NXPH1: variants seen among roughly 807,000 people sequenced by gnomAD.
NXPH1 encodes the protein neurexophilin-1.
Under a neutral mutation model 23.7 loss-of-function variants are expected in NXPH1, and 5 were observed. The observed-to-expected ratio is 0.21, with a 90% confidence interval of 0.11 to 0.44. NXPH1 has a LOEUF of 0.44. Among genes scored for constraint, NXPH1 ranks in the 20% least tolerant of loss-of-function variants. The pLI, the probability that NXPH1 is intolerant of heterozygous loss-of-function variation, is 0.99. For synonymous variants in NXPH1, 144 were observed against 122.2 expected, an observed-to-expected ratio of 1.18 and a Z score of -1.18; for missense variants, 324 against 321.6, an observed-to-expected ratio of 1.01 and a Z score of -0.06.
intron 2 of NXPH1, among the ~76,000 whole-genome samples, chr7:8,462,078 C>T (rs1185733398): frequency 6.6e-6 from 1 of 152,124 alleles, no homozygotes; most frequent in African/African-American, 2.4e-5. Flanking sequence ...GAGAGAGTCT[C>T]ACTCTTGTCA....
intron 2 of NXPH1, among the ~76,000 whole-genome samples, chr7:8,521,629 A>G (rs1817773011): frequency 6.6e-6 from 1 of 152,150 alleles, no homozygotes; most frequent in Non-Finnish European, 1.5e-5. Context: ...ACTTTATGTG[A>G]GTGAGAAATA....
chr7:8,526,038 A>C (rs1247309824), intron 2 of NXPH1, among the ~76,000 whole-genome samples: 1 of 152,196 alleles, frequency 6.6e-6, no homozygotes, highest in African/African-American at 2.4e-5. Flanking sequence ...CACCTGGAAA[A>C]GCTGTAGACA....
chr7:8,595,667 A>T (rs1490300964), intron 2 of NXPH1, among the ~76,000 whole-genome samples: 5 of 151,986 alleles, frequency 3.3e-5, no homozygotes, highest in African/African-American at 1.2e-4. Context: ...CTTCTACGGA[A>T]CTCAAGAGTA....
chr7:8,435,887 G>A lies in NXPH1; in HGVS notation c.54+120G>A. On this transcript the variant is annotated intron_variant, in intron 2 of 2. Transcript: ENST00000405863. The surrounding 1 kb of genome is among the most constrained non-coding windows in gnomAD (Gnocchi z 5.9). ...CAGTGAGAGCAGCTTCCTAGCAGCTGTGTTGGAGCAACTTTGGCAAGCTGG... is the reference window on the plus strand; with the variant it reads ...CAGTGAGAGCAGCTTCCTAGCAGCTATGTTGGAGCAACTTTGGCAAGCTGG... 2 of 946,408 alleles carry A rather than the reference G, an allele frequency of 2.1e-6. No individual in the cohort carries two copies. Among genetic ancestry groups the A allele is most frequent in the Non-Finnish European group, 1.7e-6 (1 of 578,438 alleles). The allele number at this position is 946,408 out of a possible 1,614,324, so 58.6% of individuals were successfully genotyped here.
Position 8,697,711 on chromosome 7 carries a change from C to A in NXPH1, c.55-53297C>A, listed in dbSNP as rs10232933. 8.1e-3 allele frequency among the ~76,000 whole-genome samples: 1,234 copies of A among 152,178 alleles called. 15 individuals carry two copies. Among genetic ancestry groups the A allele is most frequent in the African/African-American group, 0.028 (1,179 of 41,514 alleles). ...GTATCTGTTATGGAAAATGCTTACT[C>A]AATATTTAGGTGAAGAAGTCAGGTA... is the stretch of plus-strand genomic sequence containing the variant. On this transcript the variant is annotated intron_variant, in intron 2 of 2. Transcript: ENST00000405863.
chr7:8,508,728 C>T (rs936997447), intron 2 of NXPH1, among the ~76,000 whole-genome samples: 1 of 151,966 alleles, frequency 6.6e-6, no homozygotes, highest in African/African-American at 2.4e-5. Context: ...GCCTCATGTG[C>T]TGCAAAGGGT....
At chr7:8,646,974 G>A (rs1377756072) in intron 2 of NXPH1, among the ~76,000 whole-genome samples, 2 of 151,938 alleles carry the variant, frequency 1.3e-5, no homozygotes, top group African/African-American at 2.4e-5. Flanking sequence ...CAGGCACTGG[G>A]GAGGGGAGGA....
chr7:8,612,710 C>T lies in NXPH1; in HGVS notation c.55-138298C>T, dbSNP rs138662422. On this transcript the variant is annotated intron_variant, in intron 2 of 2. Transcript: ENST00000405863. ...TTATTTTGTTAGCATTCTGTCTTCA[C>T]AGTCTGTCTCATTCATTCATTATAC... is the stretch of plus-strand genomic sequence containing the variant. Among the ~76,000 whole-genome samples the T allele has an allele frequency of 4.0e-3, 615 of 152,146 alleles. 3 individuals are homozygous for T. Among genetic ancestry groups the T allele is most frequent in the African/African-American group, 0.014 (584 of 41,552 alleles).
At chr7:8,692,132 G>C (rs1821231021) in intron 2 of NXPH1, among the ~76,000 whole-genome samples, 1 of 151,524 alleles carries the variant, frequency 6.6e-6, no homozygotes, top group African/African-American at 2.4e-5. Flanking sequence ...GGCAGGGAGG[G>C]CTTACTAGAT....
At chr7:8,492,611 TAAACTTC>T (rs1817267212) in intron 2 of NXPH1, among the ~76,000 whole-genome samples, 1 of 152,048 alleles carries the variant, frequency 6.6e-6, no homozygotes, top group Admixed American at 6.6e-5. Context: ...GGTATGTAAA[TAAACTTC>T]ATATGCTTTA....
At chr7:8,597,776 C>G (rs1188243189) in intron 2 of NXPH1, among the ~76,000 whole-genome samples, 2 of 151,926 alleles carry the variant, frequency 1.3e-5, no homozygotes, top group East Asian at 3.9e-4. Context: ...CCTTACTACT[C>G]TGAAGACCAG....
chr7:8,562,208 A>G (rs1487814506), intron 2 of NXPH1, among the ~76,000 whole-genome samples: 1 of 151,672 alleles, frequency 6.6e-6, no homozygotes, highest in African/African-American at 2.4e-5. Context: ...TAACCATTAT[A>G]CGTCAGCTTC....
chr7:8,529,644 T>C (rs1563337064), intron 2 of NXPH1, among the ~76,000 whole-genome samples: 2 of 152,208 alleles, frequency 1.3e-5, no homozygotes, highest in East Asian at 3.9e-4. Flanking sequence ...TATTTAATTA[T>C]ATTAAGCTTA....
intron 2 of NXPH1, among the ~76,000 whole-genome samples, chr7:8,655,040 C>A (rs1820551391): frequency 6.6e-6 from 1 of 152,018 alleles, no homozygotes; most frequent in South Asian, 2.1e-4. Context: ...TAAGATTCCC[C>A]ACTGTGTCTT....
At chr7:8,655,606 G>GTA (rs1820569174) in intron 2 of NXPH1, among the ~76,000 whole-genome samples, 1 of 151,096 alleles carries the variant, frequency 6.6e-6, no homozygotes, top group East Asian at 2.0e-4. Context: ...GTTTATGTGT[G>GTA]TGTGATGGTC....
chr7:8,602,107 T>A (rs1375922739), intron 2 of NXPH1, among the ~76,000 whole-genome samples: 2 of 152,252 alleles, frequency 1.3e-5, no homozygotes, highest in African/African-American at 4.8e-5. Context: ...ACCAGTCATG[T>A]TCATTGTAAA....
At chr7:8,575,703 G>A (rs1156816718) in intron 2 of NXPH1, among the ~76,000 whole-genome samples, 1 of 151,650 alleles carries the variant, frequency 6.6e-6, no homozygotes, top group African/African-American at 2.4e-5. Context: ...TTTCTGTGAA[G>A]CACTGTTTTA....
chr7:8,469,516 C>G (rs1015734213), intron 2 of NXPH1, among the ~76,000 whole-genome samples: 7 of 151,996 alleles, frequency 4.6e-5, no homozygotes, highest in South Asian at 2.1e-4. Context: ...CCTGAACAAT[C>G]GTTCCCTCTC....
At position 8,594,582 on chromosome 7, in the gene NXPH1, T is replaced by G. The variant is rs10230697; in HGVS notation, c.55-156426T>G. Among the ~76,000 whole-genome samples, 174 of 151,868 alleles carry G rather than the reference T, an allele frequency of 1.1e-3. 1 individual carries two copies. Among genetic ancestry groups the G allele is most frequent in the South Asian group, 4.6e-3 (22 of 4,820 alleles). On this transcript the variant is annotated intron_variant, in intron 2 of 2. Coordinates refer to ENST00000405863, the MANE Select transcript of NXPH1 (RefSeq NM_152745.3). ...GGGACAAGGCTGTGAACAAAATAAATTAAGTGAGGAGGTTCTGACCTCCGC... is the reference window on the plus strand; with the variant it reads ...GGGACAAGGCTGTGAACAAAATAAAGTAAGTGAGGAGGTTCTGACCTCCGC...
Sources: gnomAD v4.1 joint callset for allele counts (sites outside exome capture counted in the v4.1 genomes callset) on GRCh38, gnomAD v4.1.1 for gene constraint, Gnocchi (gnomAD v3.1) non-coding constraint, MANE v1.5 for transcripts, NCBI Gene and HGNC (gene_info 2026-07-23, HGNC 2026-07-21) for gene names.